Variants in EPHA3 observed in about 807,000 individuals in gnomAD.
EPHA3 encodes the protein EPH receptor A3.
Under a neutral mutation model 107.1 loss-of-function variants are expected in EPHA3, and 42 were observed. The ratio of observed to expected loss-of-function variants is 0.39; its 90% confidence interval spans 0.31 to 0.51. The LOEUF (loss-of-function observed/expected upper bound fraction) is 0.51, where lower values mean the gene tolerates loss of function less well. Among genes scored for constraint, EPHA3 ranks in the 20% least tolerant of loss-of-function variants. EPHA3 has a pLI of 0.78. For synonymous variants in EPHA3, 461 were observed against 424.8 expected (o/e 1.09, Z -1.05); for missense variants, 1,183 against 1,211.2 (o/e 0.98, Z 0.35).
intron 2 of EPHA3, among the ~76,000 whole-genome samples, chr3:89,202,675 G>A (rs1020549718): frequency 6.6e-6 from 1 of 151,660 alleles, no homozygotes. Context: ...TTATAAGGGC[G>A]TTTTCAAAAA....
chr3:89,199,690 C>T (rs1705925527), intron 2 of EPHA3, among the ~76,000 whole-genome samples: 1 of 152,272 alleles, frequency 6.6e-6, no homozygotes, highest in South Asian at 2.1e-4. Context: ...TTTCAAAAAT[C>T]TGAATTATAA....
chr3:89,332,847 AT>A (rs1194989307), intron 3 of EPHA3, among the ~76,000 whole-genome samples: 1 of 152,040 alleles, frequency 6.6e-6, no homozygotes, highest in Admixed American at 6.6e-5. Flanking sequence ...CAACAGCTTT[AT>A]TTTTTTAATT....
chr3:89,203,754 G>T (rs1312363505), intron 2 of EPHA3, among the ~76,000 whole-genome samples: 1 of 152,034 alleles, frequency 6.6e-6, no homozygotes, highest in Non-Finnish European at 1.5e-5. Context: ...TCCAGCCTGG[G>T]CAACAGAGCG....
At chr3:89,405,194 G>T (rs1241049597) in intron 7 of EPHA3, among the ~76,000 whole-genome samples, 1 of 152,158 alleles carries the variant, frequency 6.6e-6, no homozygotes, top group East Asian at 1.9e-4. Flanking sequence ...GGAAGCCCCA[G>T]ACAGCAGTGC....
At chr3:89,174,504 A>G (rs1705278362) in intron 2 of EPHA3, among the ~76,000 whole-genome samples, 1 of 152,086 alleles carries the variant, frequency 6.6e-6, no homozygotes, top group African/African-American at 2.4e-5. Flanking sequence ...GTGCATTTAC[A>G]TAATGTACAT....
intron 5 of EPHA3, among the ~76,000 whole-genome samples, chr3:89,395,129 A>C (rs1010047358): frequency 6.6e-6 from 1 of 152,254 alleles, no homozygotes; most frequent in African/African-American, 2.4e-5. Flanking sequence ...CAAATGTAGA[A>C]TCACCATCAA....
intron 3 of EPHA3, among the ~76,000 whole-genome samples, chr3:89,340,480 C>T (rs941261969): frequency 6.6e-6 from 1 of 152,110 alleles, no homozygotes; most frequent in African/African-American, 2.4e-5. Context: ...CTTTGTGGGA[C>T]GAAGTTGTAC....
chr3:89,117,936 T>G lies in EPHA3; in HGVS notation c.89-9273T>G, dbSNP rs187544113. Reference sequence around the variant, plus strand: ...TGCTTTTTTTACAGAATAAAAGAACTGACAGCATCATAGAAAACTAGAACT... The same window carrying G: ...TGCTTTTTTTACAGAATAAAAGAACGGACAGCATCATAGAAAACTAGAACT... On this transcript the variant is annotated intron_variant, in intron 1 of 16. Transcript: ENST00000336596. Among the ~76,000 whole-genome samples, 3 of 152,170 alleles carry G rather than the reference T, an allele frequency of 2.0e-5. No homozygotes were observed. The East Asian group carries it at 5.8e-4, about 29-fold the overall frequency.
chr3:89,233,464 A>C (rs907311227), intron 3 of EPHA3, among the ~76,000 whole-genome samples: 1 of 152,118 alleles, frequency 6.6e-6, no homozygotes, highest in Non-Finnish European at 1.5e-5. Context: ...TATTCATCAA[A>C]GCTTTTAAAA....
chr3:89,328,128 A>G (rs919524849), intron 3 of EPHA3, among the ~76,000 whole-genome samples: 1 of 151,934 alleles, frequency 6.6e-6, no homozygotes, highest in African/African-American at 2.4e-5. Context: ...AAACAGAAAA[A>G]ACTCAAATAA....
At chr3:89,354,454 A>G (rs7645954) in intron 5 of EPHA3, among the ~76,000 whole-genome samples, 1,997 of 151,156 alleles carry the variant, frequency 0.013, 74 homozygotes, top group African/African-American at 0.046. Flanking sequence ...CTATCAATAT[A>G]GTACCAGTGT....
chr3:89,166,927 G>C (rs891673159), intron 2 of EPHA3, among the ~76,000 whole-genome samples: 1 of 152,080 alleles, frequency 6.6e-6, no homozygotes, highest in African/African-American at 2.4e-5. Context: ...GTTGAGTGGG[G>C]TCTTTATCTG....
chr3:89,413,281 C>T lies in EPHA3; in HGVS notation c.1888+15C>T, dbSNP rs1709189441. On this transcript the variant is annotated intron_variant, in intron 10 of 16. Coordinates refer to ENST00000336596, the MANE Select transcript of EPHA3 (RefSeq NM_005233.6). Reference sequence around the variant, plus strand: ...TGTTGGAGCAGGTAACCACAATGACCCTACTGCCAACTTAGTACTGTATGT... The same window carrying T: ...TGTTGGAGCAGGTAACCACAATGACTCTACTGCCAACTTAGTACTGTATGT... The T allele has an allele frequency of 1.2e-6, 2 of 1,610,936 alleles. No individual in the cohort carries two copies. Among genetic ancestry groups the T allele is most frequent in the African/African-American group, 2.7e-5 (2 of 74,650 alleles).
chr3:89,285,366 G>A (rs960063167), intron 3 of EPHA3, among the ~76,000 whole-genome samples: 1 of 151,794 alleles, frequency 6.6e-6, no homozygotes, highest in Non-Finnish European at 1.5e-5. Context: ...CTATGCAATT[G>A]GAATATAGCA....
intron 2 of EPHA3, among the ~76,000 whole-genome samples, chr3:89,184,090 G>A (rs1482098594): frequency 6.6e-6 from 1 of 151,730 alleles, no homozygotes; most frequent in African/African-American, 2.4e-5. Context: ...CAAGATGTTG[G>A]TATTCTTCAA....
intron 2 of EPHA3, among the ~76,000 whole-genome samples, chr3:89,159,451 C>T (rs1704874746): frequency 6.6e-6 from 1 of 152,096 alleles, no homozygotes; most frequent in South Asian, 2.1e-4. Flanking sequence ...CCTGTAATTA[C>T]CACCACCGTT....
intron 3 of EPHA3, among the ~76,000 whole-genome samples, chr3:89,223,418 C>CT (rs1704428313): frequency 6.6e-6 from 1 of 152,140 alleles, no homozygotes; most frequent in South Asian, 2.1e-4. Context: ...CAGATGAATG[C>CT]TTGAAGGCTC....
intron 2 of EPHA3, 69 bp downstream of exon 2, chr3:89,127,342 T>C: frequency 8.1e-7 from 1 of 1,228,180 alleles, no homozygotes; most frequent in Non-Finnish European, 1.2e-6. Context: ...GATGAATTTA[T>C]TGTATTCTCT....
chr3:89,218,357 T>C (rs959756898), intron 3 of EPHA3, among the ~76,000 whole-genome samples: 7 of 146,430 alleles, frequency 4.8e-5, no homozygotes, highest in Admixed American at 3.5e-4. Context: ...GTTCTCGTTG[T>C]TCAATTCCCA....
Sources: gnomAD v4.1 joint callset for allele counts (sites outside exome capture counted in the v4.1 genomes callset) on GRCh38, gnomAD v4.1.1 for gene constraint, MANE v1.5 for transcripts, NCBI Gene and HGNC (gene_info 2026-07-23, HGNC 2026-07-21) for gene names.